The following MEIS1 variants were observed in gnomAD, a reference collection of about 807,000 sequenced individuals.
MEIS1 encodes the protein Meis homeobox 1, also known as homeobox protein Meis1.
In MEIS1, 5 loss-of-function variants were observed where a neutral mutation model predicts 50.8. The ratio of observed to expected loss-of-function variants is 0.10; its 90% CI spans 0.05 to 0.21. MEIS1 has a LOEUF of 0.21. Ranked by LOEUF, MEIS1 falls within the 10% of genes least tolerant of loss-of-function variation. The pLI is 1.00. For synonymous variants in MEIS1, 176 were observed against 179.3 expected (o/e 0.98, Z 0.15); for missense variants, 318 against 517.3 (o/e 0.61, Z 3.74).
intron 2 of MEIS1, chr2:66,439,216 G>C: frequency 2.1e-6 from 2 of 948,892 alleles, no homozygotes; most frequent in Non-Finnish European, 2.5e-6. Context: ...CTTTCTTTGG[G>C]GGGCGGTGGG....
chr2:66,477,189 A>C (rs1236694096), intron 7 of MEIS1, among the ~76,000 whole-genome samples: 2 of 152,146 alleles, frequency 1.3e-5, no homozygotes, highest in African/African-American at 4.8e-5. Flanking sequence ...GGGAGGCTGG[A>C]GTCAGCATGA....
At chr2:66,490,053 C>A (rs920279487) in intron 7 of MEIS1, among the ~76,000 whole-genome samples, 2 of 152,108 alleles carry the variant, frequency 1.3e-5, no homozygotes, top group African/African-American at 4.8e-5. Flanking sequence ...AGGAATAAAG[C>A]AATCTGTTCA....
chr2:66,437,932 G>T lies in MEIS1; in HGVS notation c.208G>T (p.Ala70Ser), dbSNP rs1214596612. The T allele has an allele frequency of 1.9e-6, 3 of 1,590,858 alleles. No homozygotes were observed. The highest frequency in any genetic ancestry group is 2.6e-6 in the Non-Finnish European group (3 of 1,168,228). ...APSMGSSVND[A>S]LKRDKDAIYG... ...CAGCATGGGCTCCTCTGTCAATGAC[G>T]CTTTAAAGAGAGATAAAGATGCCAT... Residue 70 changes from alanine to serine, a missense_variant, in exon 2 of 13, where the codon GCT (alanine) becomes TCT (serine). Physicochemically the swap from Ala to Ser is moderately conservative, Grantham distance 99. This residue lies in a region of MEIS1 where 100 missense variants were observed against 107.1 expected (regional missense o/e 0.93). Transcript: ENST00000272369.
rs372523983 is a variant in MEIS1, at chr2:66,535,729, A to G, written c.889-12214A>G. On this transcript the variant is annotated intron_variant, in intron 8 of 12. Coordinates refer to ENST00000272369, the MANE Select transcript of MEIS1 (RefSeq NM_002398.3). ...GGGAGTTGGAAAGGGTTTGCTTAAG[A>G]AGGTTCATAAAGATAAAGGTAATCT... Among the ~76,000 whole-genome samples, 15 of 152,330 alleles carry G rather than the reference A, an allele frequency of 9.8e-5. No individual in the cohort carries two copies. The East Asian group carries it at 2.3e-3, about 24-fold the overall frequency.
At chr2:66,567,706 A>G (rs186071239) in intron 10 of MEIS1, 195 bp downstream of exon 10, 50 of 661,764 alleles carry the variant, frequency 7.6e-5, no homozygotes, top group Admixed American at 4.5e-4. Context: ...GAGAAGGTGG[A>G]AAAAAAAAGC....
intron 6 of MEIS1, among the ~76,000 whole-genome samples, chr2:66,444,743 C>A (rs551620231): frequency 2.6e-5 from 4 of 152,210 alleles, no homozygotes; most frequent in Non-Finnish European, 5.9e-5. Flanking sequence ...GCTGAGGAAC[C>A]CTCGAGTAGC....
chr2:66,571,340 C>G lies in MEIS1; in HGVS notation c.*132C>G, dbSNP rs575344777. 69 of 1,599,544 alleles carry G rather than the reference C, an allele frequency of 4.3e-5. No individual in the cohort carries two copies. The highest frequency in any genetic ancestry group is 1.1e-4 in the African/African-American group (8 of 74,516). On this transcript the variant is annotated 3_prime_UTR_variant, in exon 13 of 13. Coordinates refer to ENST00000272369, the MANE Select transcript of MEIS1 (RefSeq NM_002398.3). ...GTTATACCCAACCCCAGATGCCCCC[C>G]CATCCTGCTCAGCTGCGTCATGGGC... is the stretch of plus-strand genomic sequence containing the variant.
intron 3 of MEIS1, 55 bp downstream of exon 3, chr2:66,440,039 G>A (rs1037923893): frequency 1.6e-5 from 25 of 1,527,254 alleles, no homozygotes; most frequent in Admixed American, 2.1e-5. Context: ...CCCCCCCTTC[G>A]CCAACACACA....
chr2:66,458,497 A>T (rs1035028868), intron 6 of MEIS1, among the ~76,000 whole-genome samples: 38 of 152,222 alleles, frequency 2.5e-4, no homozygotes, highest in African/African-American at 8.9e-4. Flanking sequence ...AGGTTGGCTT[A>T]GGTCAACTTA....
At chr2:66,530,196 CAAA>C (rs5831814) in intron 8 of MEIS1, among the ~76,000 whole-genome samples, 5 of 122,770 alleles carry the variant, frequency 4.1e-5, no homozygotes, top group Admixed American at 8.3e-5. Flanking sequence ...GTAGGCAAAG[CAAA>C]AAAAAAAAAA....
intron 8 of MEIS1, among the ~76,000 whole-genome samples, chr2:66,530,196 C>CAAAAAAA (rs5831814): frequency 8.1e-6 from 1 of 122,776 alleles, no homozygotes; most frequent in Non-Finnish European, 1.6e-5. Flanking sequence ...GTAGGCAAAG[C>CAAAAAAA]AAAAAAAAAA....
At position 66,573,488 on chromosome 2, in the gene MEIS1, A is replaced by G. The variant is rs1675518681; in HGVS notation, c.*2280A>G. ...CTGACATTCAGGCCCAAGTCACCCT[A>G]TAAACCGGCCCTTAGCAATTCTATT... On this transcript the variant is annotated 3_prime_UTR_variant, in exon 13 of 13. Coordinates refer to ENST00000272369, the MANE Select transcript of MEIS1 (RefSeq NM_002398.3). 1 of 152,240 alleles carries G rather than the reference A, an allele frequency of 6.6e-6. No homozygotes were observed. The highest frequency in any genetic ancestry group is 2.4e-5 in the African/African-American group (1 of 41,460). The allele number at this position is 152,240 out of a possible 1,614,324, so 9.4% of individuals were successfully genotyped here. A position where few individuals can be genotyped will look rare whatever the true frequency, so the allele number is the denominator to read the frequency against.
intron 8 of MEIS1, among the ~76,000 whole-genome samples, chr2:66,530,605 A>G (rs1217381877): frequency 6.6e-6 from 1 of 151,996 alleles, no homozygotes; most frequent in Non-Finnish European, 1.5e-5. Flanking sequence ...AGTCCCAGCT[A>G]CTCGGGAGGC....
chr2:66,531,097 T>A lies in MEIS1; in HGVS notation c.889-16846T>A, dbSNP rs988193455. On this transcript the variant is annotated intron_variant, in intron 8 of 12. Coordinates refer to ENST00000272369, the MANE Select transcript of MEIS1 (RefSeq NM_002398.3). ...GTTAACAGGTGAACAATCTCAGATA[T>A]GTTCTGGTAAACCTTCCTCTGCTGG... 2.7e-4 allele frequency among the ~76,000 whole-genome samples: 41 copies of A among 152,204 alleles called. 1 individual carries two copies. Among genetic ancestry groups the A allele is most frequent in the African/African-American group, 9.6e-4 (40 of 41,460 alleles).
chr2:66,512,707 T>C (rs1673863983), intron 8 of MEIS1, among the ~76,000 whole-genome samples: 1 of 152,194 alleles, frequency 6.6e-6, no homozygotes, highest in Admixed American at 6.5e-5. Context: ...TCCACAAAAA[T>C]TTAAATCATG....
chr2:66,467,469 C>T lies in MEIS1; in HGVS notation c.742+3249C>T, dbSNP rs192510174. ...AAAGTTAGCCAGACGTGGTGGTGGG[C>T]GCCTATAATCCCAGCTACTCGGGAG... On this transcript the variant is annotated intron_variant, in intron 7 of 12. Coordinates refer to ENST00000272369, the MANE Select transcript of MEIS1 (RefSeq NM_002398.3). 4.3e-3 allele frequency among the ~76,000 whole-genome samples: 658 copies of T among 151,816 alleles called. 6 individuals carry two copies. Among genetic ancestry groups the T allele is most frequent in the African/African-American group, 0.015 (612 of 41,406 alleles).
At chr2:66,569,316 T>TG in intron 12 of MEIS1, 171 bp downstream of exon 12, 1 of 558,058 alleles carries the variant, frequency 1.8e-6, no homozygotes, top group Non-Finnish European at 3.2e-6. Flanking sequence ...CTTTTAAGCT[T>TG]ATAAATACTG....
In MEIS1 at chr2:66,518,053, C is replaced by T. The variant is rs190100015; in HGVS notation, c.888+5759C>T. ...TGACCTGGCAAAGCTTTCTCCCAGC[C>T]TTCTCTGTACCTCCTTCCCCTTGCC... On this transcript the variant is annotated intron_variant, in intron 8 of 12. Coordinates refer to ENST00000272369, the MANE Select transcript of MEIS1 (RefSeq NM_002398.3). Among the ~76,000 whole-genome samples the T allele has an allele frequency of 3.1e-3, 473 of 152,286 alleles. 5 individuals are homozygous for T. The highest frequency in any genetic ancestry group is 9.5e-3 in the African/African-American group (393 of 41,556).
intron 7 of MEIS1, among the ~76,000 whole-genome samples, chr2:66,502,500 G>A (rs768513208): frequency 2.6e-5 from 4 of 152,170 alleles, no homozygotes; most frequent in Non-Finnish European, 2.9e-5. Flanking sequence ...GGAAGGTGAG[G>A]AGGCCATCAG....
Sources: allele counts gnomAD v4.1 joint callset (sites outside exome capture counted in the v4.1 genomes callset), GRCh38; gene constraint gnomAD v4.1.1; regional missense constraint gnomAD v4.1.1; transcripts MANE v1.5; gene names NCBI Gene and HGNC (gene_info 2026-07-23, HGNC 2026-07-21).